The following FIRRM variants were observed in gnomAD, a reference collection of about 807,000 sequenced individuals.
The protein encoded by FIRRM is FIGNL1-interacting regulator of recombination and mitosis.
the FIRRM span, chr1:169,849,875 C>T: frequency 4.1e-6 from 2 of 486,182 alleles, no homozygotes; most frequent in Admixed American, 3.6e-5. Flanking sequence ...CACAGTCTTC[C>T]AGCAGATAGT....
the FIRRM span, chr1:169,843,794 C>A: frequency 7.0e-7 from 1 of 1,438,202 alleles, no homozygotes; most frequent in Non-Finnish European, 9.8e-7. Context: ...CAGATTGATA[C>A]TTTGTTTGCT....
At chr1:169,842,688 T>C in the FIRRM span, 1 of 835,238 alleles carries the variant, frequency 1.2e-6, no homozygotes, top group Admixed American at 3.0e-5. Flanking sequence ...GTACCTGTAC[T>C]CTCTCACGCA....
chr1:169,809,612 T>G, the FIRRM span, among the ~76,000 whole-genome samples: 1 of 152,324 alleles, frequency 6.6e-6, no homozygotes, highest in East Asian at 1.9e-4. Context: ...AAAGTATATC[T>G]TCAGTTTATA....
the FIRRM span, chr1:169,792,422 T>C: frequency 1.6e-6 from 1 of 616,514 alleles, no homozygotes; most frequent in East Asian, 3.1e-5. Flanking sequence ...ACCTAGTGAG[T>C]AAAAGACTGG....
chr1:169,789,228 C>T, the FIRRM span, among the ~76,000 whole-genome samples: 1 of 152,218 alleles, frequency 6.6e-6, no homozygotes, highest in Non-Finnish European at 1.5e-5. Flanking sequence ...GACTCAAGTT[C>T]ATGGAGTCAG....
the FIRRM span, chr1:169,850,131 T>TA: frequency 1.6e-6 from 1 of 613,936 alleles, no homozygotes; most frequent in Non-Finnish European, 2.9e-6. Flanking sequence ...ATCATGAGTT[T>TA]ATCACCTTTG....
At chr1:169,792,729 T>G in the FIRRM span, 2 of 1,613,946 alleles carry the variant, frequency 1.2e-6, no homozygotes, top group Non-Finnish European at 1.7e-6. Context: ...TGTGCTTTGC[T>G]GGCCAAAAGT....
the FIRRM span, among the ~76,000 whole-genome samples, chr1:169,847,112 T>C: frequency 6.6e-5 from 10 of 152,066 alleles, no homozygotes; most frequent in African/African-American, 2.2e-4. Flanking sequence ...TGCCATCTTA[T>C]AGGGGCACAG....
At chr1:169,817,342 C>T in the FIRRM span, among the ~76,000 whole-genome samples, 1 of 152,298 alleles carries the variant, frequency 6.6e-6, no homozygotes, top group Middle Eastern at 3.4e-3. Context: ...TAAAACAAGA[C>T]AACAATTGTC....
At chr1:169,851,015 A>C in the FIRRM span, 1 of 10,416 alleles carries the variant, frequency 9.6e-5, no homozygotes, top group Non-Finnish European at 1.7e-4. Context: ...TTATTTGGGC[A>C]GCCTCCCAAG....
At chr1:169,803,063 A>C in the FIRRM span, 12 of 955,468 alleles carry the variant, frequency 1.3e-5, no homozygotes, top group South Asian at 3.4e-5. Context: ...AGAGGAAGAG[A>C]CTGTGTTTTG....
the FIRRM span, chr1:169,821,673 G>T: frequency 6.4e-7 from 1 of 1,561,606 alleles, no homozygotes; most frequent in Non-Finnish European, 8.7e-7. Flanking sequence ...TCCCTTTTTG[G>T]ATCAGGATAA....
chr1:169,843,935 ATTG>A, the FIRRM span, among the ~76,000 whole-genome samples: 7 of 152,270 alleles, frequency 4.6e-5, no homozygotes, highest in African/African-American at 1.7e-4. Flanking sequence ...TCCTTACAGT[ATTG>A]TTAATATATG....
chr1:169,804,661 G>A, the FIRRM span, among the ~76,000 whole-genome samples: 1 of 152,002 alleles, frequency 6.6e-6, no homozygotes, highest in South Asian at 2.1e-4. Context: ...TACATGTGAT[G>A]CACTTTATAC....
At chr1:169,808,697 C>T in the FIRRM span, among the ~76,000 whole-genome samples, 1 of 151,228 alleles carries the variant, frequency 6.6e-6, no homozygotes, top group Non-Finnish European at 1.5e-5. Context: ...CTCTGCCTCA[C>T]GGGTTCAAGG....
chr1:169,821,714 C>T, the FIRRM span: 3 of 1,611,436 alleles, frequency 1.9e-6, no homozygotes, highest in African/African-American at 1.3e-5. Flanking sequence ...AGAAAACACT[C>T]AAATTGTGTC....
At chr1:169,846,223 A>G in the FIRRM span, among the ~76,000 whole-genome samples, 1 of 152,194 alleles carries the variant, frequency 6.6e-6, no homozygotes, top group Non-Finnish European at 1.5e-5. Flanking sequence ...TTCAGTAAAC[A>G]GTGATATAAA....
chr1:169,825,180 C>A, the FIRRM span, among the ~76,000 whole-genome samples: 1 of 152,190 alleles, frequency 6.6e-6, no homozygotes, highest in African/African-American at 2.4e-5. Context: ...TTGCAAAAAA[C>A]TTTCTATCTT....
chr1:169,795,084 T>C, the FIRRM span: 2 of 1,527,720 alleles, frequency 1.3e-6, no homozygotes, highest in Non-Finnish European at 1.8e-6. Flanking sequence ...GGTTTGAAGC[T>C]CTCCTGTTTG....
Sources: allele counts gnomAD v4.1 joint callset (sites outside exome capture counted in the v4.1 genomes callset), GRCh38; gene constraint gnomAD v4.1.1; transcripts MANE v1.5; gene names NCBI Gene and HGNC (gene_info 2026-07-23, HGNC 2026-07-21).